KCNK2: variants seen among roughly 807,000 people sequenced by gnomAD.
KCNK2 encodes potassium channel subfamily K member 2.
Under a neutral mutation model 40.5 loss-of-function variants are expected in KCNK2, and 21 were observed. The observed-to-expected ratio is 0.52, with a 90% CI of 0.37 to 0.75. KCNK2 has a LOEUF of 0.75. Ranked by LOEUF, KCNK2 falls within the 30% of genes least tolerant of loss-of-function variation. The probability of loss-of-function intolerance (pLI) is 0.00; values close to 1 mark genes in which losing one functional copy is unlikely to be tolerated. For synonymous variants in KCNK2, 191 were observed against 202.2 expected (o/e 0.94, Z 0.47); for missense variants, 399 against 531.6 (o/e 0.75, Z 2.45).
chr1:215,220,655 T>C (rs1054033800), intron 6 of KCNK2, among the ~76,000 whole-genome samples: 1 of 152,190 alleles, frequency 6.6e-6, no homozygotes, highest in Non-Finnish European at 1.5e-5. Context: ...AGCAAAACCA[T>C]GTTTTAGTGG....
intron 1 of KCNK2, among the ~76,000 whole-genome samples, chr1:215,051,400 G>A (rs1244551800): frequency 2.0e-5 from 3 of 152,182 alleles, no homozygotes; most frequent in Non-Finnish European, 4.4e-5. Flanking sequence ...GAGCTGTCTT[G>A]TTTTTGTCTT....
intron 1 of KCNK2, among the ~76,000 whole-genome samples, chr1:215,065,955 AC>A (rs376426412): frequency 4.5e-4 from 69 of 152,248 alleles, no homozygotes; most frequent in African/African-American, 1.4e-3. Flanking sequence ...ACATGGTAAG[AC>A]TGTCTCTAAA....
At chr1:215,156,925 C>T (rs1039917987) in intron 3 of KCNK2, among the ~76,000 whole-genome samples, 2 of 152,060 alleles carry the variant, frequency 1.3e-5, no homozygotes, top group Non-Finnish European at 2.9e-5. Context: ...GTGGCTCGTG[C>T]CTGTAATCCC....
chr1:215,019,008 A>T (rs4253888), intron 1 of KCNK2, among the ~76,000 whole-genome samples: 66,747 of 150,872 alleles, frequency 0.44, 16,357 homozygotes, highest in Non-Finnish European at 0.55. Context: ...CAAAAAAAAA[A>T]CCATCTAAGA....
At chr1:215,095,751 C>T (rs911393005) in intron 2 of KCNK2, among the ~76,000 whole-genome samples, 6 of 151,960 alleles carry the variant, frequency 3.9e-5, no homozygotes, top group African/African-American at 1.4e-4. Context: ...TAAATTGCTG[C>T]TGGATTGTAA....
At chr1:215,068,992 C>G (rs892502989) in intron 1 of KCNK2, among the ~76,000 whole-genome samples, 1 of 152,144 alleles carries the variant, frequency 6.6e-6, no homozygotes, top group African/African-American at 2.4e-5. Context: ...AAAAATCAAG[C>G]AAACCCAAAG....
chr1:215,048,574 T>C (rs1314577902), intron 1 of KCNK2, among the ~76,000 whole-genome samples: 1 of 152,218 alleles, frequency 6.6e-6, no homozygotes, highest in Non-Finnish European at 1.5e-5. Flanking sequence ...TTCTGTTTTT[T>C]AAAAAGGCTT....
intron 2 of KCNK2, among the ~76,000 whole-genome samples, chr1:215,092,243 G>C (rs1163087502): frequency 6.6e-6 from 1 of 152,172 alleles, no homozygotes; most frequent in Non-Finnish European, 1.5e-5. Flanking sequence ...GTGCAAGGGA[G>C]AGGAGTCAAG....
chr1:215,070,865 A>G (rs918553624), intron 1 of KCNK2, among the ~76,000 whole-genome samples: 4 of 152,210 alleles, frequency 2.6e-5, no homozygotes, highest in African/African-American at 9.7e-5. Flanking sequence ...AGACACATGC[A>G]ATTACGATCA....
At chr1:215,102,710 A>ATT (rs11393544) in intron 2 of KCNK2, among the ~76,000 whole-genome samples, 27 of 151,446 alleles carry the variant, frequency 1.8e-4, no homozygotes, top group East Asian at 1.4e-3. Context: ...CAGGTACACT[A>ATT]TTTTTTTTAT....
rs17024342 is a variant in KCNK2, at chr1:215,169,230, C to T, written c.507C>T (p.Gly169=). The change falls in exon 4 of 7, where the codon GGC becomes GGT. Residue 169 remains glycine (G), a synonymous_variant. Coordinates refer to ENST00000444842, the MANE Select transcript of KCNK2 (RefSeq NM_001017425.3). ...GFGNISPRTE[G]GKIFCIIYAL... ...GAAACATCTCACCACGCACAGAAGG[C>T]GGCAAAATATTCTGTATCATCTATG... 0.056 allele frequency: 90,591 copies of T among 1,608,994 alleles called. 6,057 individuals are homozygous for T. The highest frequency in any genetic ancestry group is 0.34 in the African/African-American group (25,419 of 74,638).
At chr1:215,093,697 ATATAT>A (rs1304284658) in intron 2 of KCNK2, among the ~76,000 whole-genome samples, 11 of 96,384 alleles carry the variant, frequency 1.1e-4, no homozygotes, top group African/African-American at 3.0e-4. Context: ...TGTATATATT[ATATAT>A]TATATTATAT....
chr1:215,052,174 G>A (rs999486841), intron 1 of KCNK2, among the ~76,000 whole-genome samples: 91 of 152,098 alleles, frequency 6.0e-4, no homozygotes, highest in Non-Finnish European at 1.1e-3. Flanking sequence ...TAAACACACC[G>A]AAAATTAACA....
chr1:215,143,033 C>T (rs1662252410), intron 3 of KCNK2, among the ~76,000 whole-genome samples: 1 of 152,112 alleles, frequency 6.6e-6, no homozygotes, highest in African/African-American at 2.4e-5. Flanking sequence ...TTGTACTTCA[C>T]TTCAAGATCA....
At chr1:215,087,522 G>A (rs1267960553) in intron 2 of KCNK2, among the ~76,000 whole-genome samples, 1 of 152,148 alleles carries the variant, frequency 6.6e-6, no homozygotes, top group African/African-American at 2.4e-5. Flanking sequence ...GGTCAAATCG[G>A]GATCTTAGTG....
intron 1 of KCNK2, among the ~76,000 whole-genome samples, chr1:215,022,523 CT>C (rs771691086): frequency 9.8e-4 from 149 of 152,098 alleles, no homozygotes; most frequent in Non-Finnish European, 1.7e-3. Context: ...TTGTCTCAGC[CT>C]TTTTTTGGCT....
At chr1:215,209,469 A>ATATATAT (rs1665513322) in intron 6 of KCNK2, among the ~76,000 whole-genome samples, 2 of 1,886 alleles carry the variant, frequency 1.1e-3, no homozygotes, top group African/African-American at 1.7e-3. Flanking sequence ...ATTATATATA[A>ATATATAT]TATATATTAT....
intron 1 of KCNK2, among the ~76,000 whole-genome samples, chr1:215,062,354 T>C (rs61818279): frequency 0.011 from 1,694 of 152,140 alleles, 38 homozygotes; most frequent in South Asian, 0.098. Flanking sequence ...TTTAAACCAT[T>C]TCAGATATGA....
At chr1:215,033,806 A>G (rs60894494) in intron 1 of KCNK2, among the ~76,000 whole-genome samples, 4,648 of 152,306 alleles carry the variant, frequency 0.031, 139 homozygotes, top group African/African-American at 0.076. Context: ...TAGTAAGAAT[A>G]GAATGCTCTG....
Sources: gnomAD v4.1 joint callset for allele counts (sites outside exome capture counted in the v4.1 genomes callset) on GRCh38, gnomAD v4.1.1 for gene constraint, MANE v1.5 for transcripts, NCBI Gene and HGNC (gene_info 2026-07-23, HGNC 2026-07-21) for gene names.